Variants in MUC5B observed in about 807,000 individuals in gnomAD.
The protein encoded by MUC5B is mucin 5B, oligomeric mucus/gel-forming, also known as mucin-5B.
In MUC5B, 116 loss-of-function variants were observed where a neutral mutation model predicts 376.9. The observed-to-expected ratio is 0.31, with a 90% confidence interval of 0.26 to 0.36. The LOEUF is 0.36. Among genes scored for constraint, MUC5B ranks in the 10% least tolerant of loss-of-function variants. MUC5B has a pLI of 1.00. For synonymous variants in MUC5B, 3,517 were observed against 3,390.9 expected, an observed-to-expected ratio of 1.04 and a Z score of -1.29; for missense variants, 7,165 against 7,769.9, an observed-to-expected ratio of 0.92 and a Z score of 2.93.
rs376353492 is a variant in MUC5B, at chr11:1,245,719, C to T, written c.8839C>T (p.Arg2947Cys). ...SLDFGLVCRN[R>C]EQVGKFKMCF... Reference sequence around the variant, plus strand: ...GGACTTTGGCCTGGTCTGCAGGAACCGTGAGCAGGTGGGGAAGTTCAAGAT... The same window carrying T: ...GGACTTTGGCCTGGTCTGCAGGAACTGTGAGCAGGTGGGGAAGTTCAAGAT... Residue 2947 changes from arginine to cysteine, a missense_variant, in exon 31 of 49, where the codon CGT (arginine) becomes TGT (cysteine). Arg to Cys is a radical substitution (Grantham distance 180). Around this residue, in one of 31 missense-constraint regions of MUC5B, gnomAD observed 57 missense variants for 167.2 expected, o/e 0.34. Coordinates refer to ENST00000529681, the MANE Select transcript of MUC5B (RefSeq NM_002458.3). The T allele has an allele frequency of 1.4e-5, 22 of 1,609,342 alleles. No homozygotes were observed. Among genetic ancestry groups the T allele is most frequent in the Middle Eastern group, 2.2e-4 (1 of 4,632 alleles).
rs1247048703 is a variant in MUC5B, at chr11:1,247,076, C to A, written c.10196C>A (p.Ala3399Asp). ...ACCACCACGGCCACTACGATCACAG[C>A]CACCGGCTCCACCACCAACCCCTCC... ...SLTTTATTIT[A>D]TGSTTNPSST... Residue 3399 changes from alanine to aspartate, a missense_variant, in exon 31 of 49, where the codon GCC (alanine) becomes GAC (aspartate). By Grantham distance (126) the Ala-to-Asp change is moderately radical. This residue lies in a region of MUC5B where 939 missense variants were observed against 770.6 expected (regional missense o/e 1.22). Coordinates refer to ENST00000529681, the MANE Select transcript of MUC5B (RefSeq NM_002458.3). 8 of 1,561,628 alleles carry A rather than the reference C, an allele frequency of 5.1e-6. No individual in the cohort carries two copies. Among genetic ancestry groups the A allele is most frequent in the Non-Finnish European group, 6.9e-6 (8 of 1,153,138 alleles).
Position 1,245,765 on chromosome 11 carries a change from G to A in MUC5B, c.8885G>A (p.Arg2962His), listed in dbSNP as rs752071726. The A allele has an allele frequency of 8.7e-6, 14 of 1,612,248 alleles. 2 individuals carry two copies. Among genetic ancestry groups the A allele is most frequent in the East Asian group, 4.5e-5 (2 of 44,848 alleles). ...KFKMCFNYEI[R>H]VFCCNYGHCP... ...AAGATGTGCTTCAACTATGAAATCC[G>A]TGTGTTCTGCTGCAACTACGGCCAC... The change falls in exon 31 of 49, where the codon CGT (arginine) becomes CAT (histidine). Residue 2962 changes from arginine (R) to histidine (H), a missense_variant. By Grantham distance (29) the Arg-to-His change is conservative (BLOSUM62 0). Coordinates refer to ENST00000529681, the MANE Select transcript of MUC5B (RefSeq NM_002458.3).
rs183370753 is a variant in MUC5B at position 1,244,723 on chromosome 11, G to A, written c.7843G>A (p.Gly2615Ser). Reference sequence around the variant, plus strand: ...CAAAGTGCTGACTACCACAACCACGGGCTTCACAGCCACCCCCTCCTCCAG... The same window carrying A: ...CAAAGTGCTGACTACCACAACCACGAGCTTCACAGCCACCCCCTCCTCCAG... ...TTKVLTTTTTGFTATPSSSPG... is the reference protein window; with the variant it reads ...TTKVLTTTTTSFTATPSSSPG... The change falls in exon 31 of 49, where the codon GGC (glycine) becomes AGC (serine). Residue 2615 changes from glycine to serine, a missense_variant. This residue lies in a region of MUC5B where 141 missense variants were observed against 111.2 expected (regional missense o/e 1.27). Coordinates refer to ENST00000529681, the MANE Select transcript of MUC5B (RefSeq NM_002458.3). 56 of 1,607,436 alleles carry A rather than the reference G, an allele frequency of 3.5e-5. 1 individual carries two copies. The East Asian group carries it at 1.2e-3, about 35-fold the overall frequency.
At chr11:1,255,316 C>G (rs544796895) in intron 36 of MUC5B, 50 bp downstream of exon 36, 2 of 1,514,816 alleles carry the variant, frequency 1.3e-6, no homozygotes, top group East Asian at 2.5e-5. Flanking sequence ...CCCGCCCGCC[C>G]GCATGCACGC....
intron 27 of MUC5B, 51 bp from the exon 28 acceptor site, chr11:1,239,748 G>A: frequency 6.4e-7 from 1 of 1,564,736 alleles, no homozygotes; most frequent in Non-Finnish European, 8.6e-7. Context: ...GCCCCTGGCT[G>A]GAGAGACTAA....
Position 1,241,981 on chromosome 11 carries a change from G to A in MUC5B, c.5101G>A (p.Gly1701Arg). Residue 1701 changes from glycine to arginine, a missense_variant, in exon 31 of 49, where the codon GGG becomes AGG. By Grantham distance (125) the Gly-to-Arg change is moderately radical (BLOSUM62 -2). Transcript: ENST00000529681. Reference sequence around the variant, plus strand: ...CCTTCCAACACGCTCAGCCCTTCCAGGGACGACGGGGAGCTTGGGCACATG... The same window carrying A: ...CCTTCCAACACGCTCAGCCCTTCCAAGGACGACGGGGAGCTTGGGCACATG... Reference protein sequence around the residue: ...STLPTRSALPGTTGSLGTWRP... With the variant: ...STLPTRSALPRTTGSLGTWRP... 6.3e-7 allele frequency: 1 copy of A among 1,593,088 alleles called. No homozygotes were observed. The highest frequency in any genetic ancestry group is 8.5e-7 in the Non-Finnish European group (1 of 1,170,484).
rs945074845 is a variant in MUC5B at position 1,250,150 on chromosome 11, C to A, written c.13270C>A (p.Leu4424Met). 1 of 1,611,656 alleles carries A rather than the reference C, an allele frequency of 6.2e-7. No individual in the cohort carries two copies. The highest frequency in any genetic ancestry group is 1.3e-5 in the African/African-American group (1 of 74,878). Residue 4424 changes from leucine to methionine, a missense_variant, in exon 31 of 49, where the codon CTG becomes ATG. Leu to Met is a conservative substitution (Grantham distance 15, BLOSUM62 2). Coordinates refer to ENST00000529681, the MANE Select transcript of MUC5B (RefSeq NM_002458.3). ...TPGTTWILTE[L>M]TTTATTTAST... The stretch of plus-strand genomic sequence containing the variant: ...AGGGACCACCTGGATCCTCACAGAG[C>A]TGACCACAACAGCCACTACGACTGC...
Position 1,255,251 on chromosome 11 carries a change from A to G in MUC5B, c.15875A>G (p.Asp5292Gly), listed in dbSNP as rs1197400632. 1.5e-6 allele frequency: 2 copies of G among 1,370,734 alleles called. No homozygotes were observed. Among genetic ancestry groups the G allele is most frequent in the Admixed American group, 2.3e-5 (1 of 43,446 alleles). The allele number at this position is 1,370,734 out of a possible 1,614,324, so 84.9% of individuals were successfully genotyped here. Residue 5292 changes from aspartate to glycine, a missense_variant, in exon 36 of 49, where the codon GAT (aspartate) becomes GGT (glycine). Asp to Gly is a moderately conservative substitution (Grantham distance 94). Coordinates refer to ENST00000529681, the MANE Select transcript of MUC5B (RefSeq NM_002458.3). Reference sequence around the variant, plus strand: ...CCATGCCCACCACAGCCGCTCTGTGATCTGATGCTGAGCCAGTGAGTCCTC... The same window carrying G: ...CCATGCCCACCACAGCCGCTCTGTGGTCTGATGCTGAGCCAGTGAGTCCTC... ...PTPCPPQPLC[D>G]LMLSQVFAEC...
Position 1,249,416 on chromosome 11 carries a change from A to C in MUC5B, c.12536A>C (p.Gln4179Pro), listed in dbSNP as rs781453948. 6.2e-7 allele frequency: 1 copy of C among 1,611,388 alleles called. No individual in the cohort carries two copies. The highest frequency in any genetic ancestry group is 2.2e-5 in the East Asian group (1 of 44,876). The change falls in exon 31 of 49, where the codon CAG (glutamine) becomes CCG (proline). Residue 4179 changes from glutamine (Q) to proline (P), a missense_variant. Coordinates refer to ENST00000529681, the MANE Select transcript of MUC5B (RefSeq NM_002458.3). ...GGCCTCGAGTGCCGTGCCCAGGCCC[A>C]GCCTGGTGTCCCCCTGGGGGAGTTG... ...PLGLECRAQAQPGVPLGELGQ... is the reference protein window; with the variant it reads ...PLGLECRAQAPPGVPLGELGQ...
Position 1,258,401 on chromosome 11 carries a change from G to C in MUC5B, c.16593+34G>C, listed in dbSNP as rs374396425. On this transcript the variant is annotated intron_variant, in intron 43 of 48. Coordinates refer to ENST00000529681, the MANE Select transcript of MUC5B (RefSeq NM_002458.3). This position sits in a 1 kb window ranked among gnomAD's most constrained non-coding sequence, Gnocchi z 5.5. Reference sequence around the variant, plus strand: ...ACAGCAGTGGGTGGGTGTGGCCCTGGGGCCTGAACATGTGTGTGGGATGCC... The same window carrying C: ...ACAGCAGTGGGTGGGTGTGGCCCTGCGGCCTGAACATGTGTGTGGGATGCC... The C allele has an allele frequency of 4.3e-5, 70 of 1,609,512 alleles. No homozygotes were observed. The highest frequency in any genetic ancestry group is 5.7e-5 in the Non-Finnish European group (67 of 1,178,350).
In MUC5B at chr11:1,239,804, T is replaced by C. The variant is rs1312599762; in HGVS notation, c.3589T>C (p.Tyr1197His). 6.2e-7 allele frequency: 1 copy of C among 1,610,436 alleles called. No individual in the cohort carries two copies. The highest frequency in any genetic ancestry group is 8.5e-7 in the Non-Finnish European group (1 of 1,178,742). The change falls in exon 28 of 49, where the codon TAC becomes CAC. Residue 1197 changes from tyrosine to histidine, a missense_variant. Transcript: ENST00000529681. ...LVDLPGLEGC[Y>H]PKCPPSQPFF... The stretch of plus-strand genomic sequence containing the variant: ...GCTCACCCTGCCGGCCCTAGGCTGC[T>C]ACCCGAAGTGCCCACCCAGCCAGCC...
At chr11:1,225,298 G>A (rs1444852275) in intron 1 of MUC5B, among the ~76,000 whole-genome samples, 10 of 152,256 alleles carry the variant, frequency 6.6e-5, no homozygotes, top group Non-Finnish European at 1.5e-4. Flanking sequence ...CCCTTGGGGC[G>A]GCCAACGCCT....
rs758850391 is a variant in MUC5B, at chr11:1,241,187, C to T, written c.4307C>T (p.Pro1436Leu). The change falls in exon 31 of 49, where the codon CCG becomes CTG. Residue 1436 changes from proline to leucine, a missense_variant. Pro to Leu is a moderately conservative substitution (Grantham distance 98, BLOSUM62 -3). Transcript: ENST00000529681. Reference sequence around the variant, plus strand: ...GAATACGTGCCCTGTGGCCCCTCCCCGGCCCCAGGCACCAGCCCTCAGCCC... The same window carrying T: ...GAATACGTGCCCTGTGGCCCCTCCCTGGCCCCAGGCACCAGCCCTCAGCCC... The part of the protein sequence containing the change: ...CCEYVPCGPS[P>L]APGTSPQPSL... The T allele has an allele frequency of 2.5e-5, 40 of 1,594,966 alleles. No homozygotes were observed. The highest frequency in any genetic ancestry group is 2.1e-4 in the East Asian group (9 of 43,526).
Position 1,241,802 on chromosome 11 carries a change from G to A in MUC5B, c.4922G>A (p.Arg1641Lys). Residue 1641 changes from arginine (R) to lysine (K), a missense_variant, in exon 31 of 49, where the codon AGG becomes AAG. Physicochemically the swap from Arg to Lys is conservative, Grantham distance 26 (BLOSUM62 2). Around this residue, in one of 31 missense-constraint regions of MUC5B, gnomAD observed 897 missense variants for 779.6 expected, o/e 1.15. Transcript: ENST00000529681. ...PQPTSSPGLT[R>K]APPASTTAVP... ...CCTACGAGTAGCCCGGGGCTGACCAGGGCTCCCCCGGCCAGCACCACAGCA... is the reference window on the plus strand; with the variant it reads ...CCTACGAGTAGCCCGGGGCTGACCAAGGCTCCCCCGGCCAGCACCACAGCA... The A allele has an allele frequency of 6.2e-7, 1 of 1,612,444 alleles. No homozygotes were observed. Among genetic ancestry groups the A allele is most frequent in the Non-Finnish European group, 8.5e-7 (1 of 1,179,308 alleles).
Position 1,246,233 on chromosome 11 carries a change from C to A in MUC5B, c.9353C>A (p.Ala3118Asp), listed in dbSNP as rs201593837. ...ACCACGAAGGCCACCACGACAAGGGCCACCAGTTCCATGTCCACCCCCTCC... is the reference window on the plus strand; with the variant it reads ...ACCACGAAGGCCACCACGACAAGGGACACCAGTTCCATGTCCACCCCCTCC... ...VLTTKATTTR[A>D]TSSMSTPSST... Residue 3118 changes from alanine to aspartate, a missense_variant, in exon 31 of 49, where the codon GCC (alanine) becomes GAC (aspartate). Ala to Asp is a moderately radical substitution (Grantham distance 126). Coordinates refer to ENST00000529681, the MANE Select transcript of MUC5B (RefSeq NM_002458.3). The A allele has an allele frequency of 1.7e-4, 266 of 1,600,374 alleles. 1 individual carries two copies. The highest frequency in any genetic ancestry group is 2.2e-4 in the Non-Finnish European group (253 of 1,169,262).
Position 1,235,313 on chromosome 11 carries a change from G to A in MUC5B, c.2780G>A (p.Gly927Glu). 6 of 1,612,882 alleles carry A rather than the reference G, an allele frequency of 3.7e-6. No individual in the cohort carries two copies. Among genetic ancestry groups the A allele is most frequent in the Non-Finnish European group, 5.1e-6 (6 of 1,179,686 alleles). ...CEYILAQDYC[G>E]DNTTHGTFRI... The stretch of plus-strand genomic sequence containing the variant: ...CTCTTTCTGGCCCAGGACTACTGTG[G>A]GGACAACACCACCCACGGGACCTTC... Residue 927 changes from glycine to glutamate, a missense_variant, in exon 23 of 49, where the codon GGG becomes GAG. Physicochemically the swap from Gly to Glu is moderately conservative, Grantham distance 98. Coordinates refer to ENST00000529681, the MANE Select transcript of MUC5B (RefSeq NM_002458.3).
At position 1,245,933 on chromosome 11, in the gene MUC5B, C is replaced by T. The variant is rs778341451; in HGVS notation, c.9053C>T (p.Thr3018Ile). The T allele has an allele frequency of 6.2e-6, 10 of 1,612,978 alleles. No homozygotes were observed. Among genetic ancestry groups the T allele is most frequent in the Admixed American group, 1.7e-5 (1 of 59,922 alleles). The change falls in exon 31 of 49, where the codon ACA (threonine) becomes ATA (isoleucine). Residue 3018 changes from threonine to isoleucine, a missense_variant. Thr to Ile is a moderately conservative substitution (Grantham distance 89). Transcript: ENST00000529681. ...GCCATCCCGTCCTCCACCCCGGGAA[C>T]AGCTCCCCCTCCCAAAGTGCTGACC... The part of the protein sequence containing the change: ...STAIPSSTPG[T>I]APPPKVLTST...
At chr11:1,223,781 C>T (rs576149129) in intron 1 of MUC5B, among the ~76,000 whole-genome samples, 7 of 152,364 alleles carry the variant, frequency 4.6e-5, no homozygotes, top group African/African-American at 1.4e-4. Context: ...CGAGCGTTTT[C>T]CCTCGTCTGC....
chr11:1,228,330 C>A (rs946915706), intron 7 of MUC5B, among the ~76,000 whole-genome samples: 1 of 152,170 alleles, frequency 6.6e-6, no homozygotes, highest in Non-Finnish European at 1.5e-5. Context: ...CTTTCTTGGG[C>A]GCTTACTCCA....
Sources: gnomAD v4.1 joint callset for allele counts (sites outside exome capture counted in the v4.1 genomes callset) on GRCh38, gnomAD v4.1.1 for gene constraint, gnomAD v4.1.1 regional missense constraint, Gnocchi (gnomAD v3.1) non-coding constraint, MANE v1.5 for transcripts, NCBI Gene and HGNC (gene_info 2026-07-23, HGNC 2026-07-21) for gene names.